WDR49: variants seen among roughly 807,000 people sequenced by gnomAD.
The protein encoded by WDR49 is WD repeat domain 49, also known as cilia- and flagella-associated protein 337.
WDR49 carries 107 observed loss-of-function variants against 119.5 expected under a neutral mutation model. That is an observed-to-expected ratio of 0.90 (90% CI 0.77 to 1.05). The LOEUF is 1.05. Among genes scored for constraint, WDR49 ranks in the 50% least tolerant of loss-of-function variants. WDR49 has a pLI of 0.00. For synonymous variants in WDR49, 425 were observed against 418.8 expected, an observed-to-expected ratio of 1.01 and a Z score of -0.18; for missense variants, 1,240 against 1,220.5, an observed-to-expected ratio of 1.02 and a Z score of -0.24.
At position 167,478,756 on chromosome 3, in the gene WDR49, T is replaced by C; in HGVS notation, c.*122A>G. On this transcript the variant is annotated 3_prime_UTR_variant, in exon 19 of 19. Coordinates refer to ENST00000682715, the MANE Select transcript of WDR49 (RefSeq NM_001366157.1). ...GATAGATAAAAGCAGTACTAAATTA[T>C]CCCATGAAGAGAAAACTTCCTGAAG... The C allele has an allele frequency of 3.3e-6, 2 of 602,812 alleles. No homozygotes were observed. Among genetic ancestry groups the C allele is most frequent in the South Asian group, 2.6e-5 (1 of 39,154 alleles). 37.3% of individuals were successfully genotyped at this position (602,812 alleles called of 1,614,324 possible). A position where few individuals can be genotyped will look rare whatever the true frequency, so the allele number is the denominator to read the frequency against.
intron 8 of WDR49, among the ~76,000 whole-genome samples, chr3:167,565,323 G>T (rs754694644): frequency 6.7e-6 from 1 of 148,878 alleles, no homozygotes; most frequent in Admixed American, 6.8e-5. Context: ...TTCTGCTCTT[G>T]CATTTTGTCC....
At chr3:167,490,254 G>T (rs1181715186) in intron 18 of WDR49, among the ~76,000 whole-genome samples, 1 of 152,050 alleles carries the variant, frequency 6.6e-6, no homozygotes, top group Admixed American at 6.6e-5. Flanking sequence ...TAAATATGTT[G>T]TTCACATATT....
intron 18 of WDR49, among the ~76,000 whole-genome samples, chr3:167,486,486 C>T (rs569438438): frequency 1.3e-5 from 2 of 152,064 alleles, no homozygotes; most frequent in African/African-American, 2.4e-5. Flanking sequence ...AAAGACCCAA[C>T]CATCTGCTGT....
At chr3:167,548,560 T>C (rs866780100) in intron 10 of WDR49, among the ~76,000 whole-genome samples, 7 of 152,020 alleles carry the variant, frequency 4.6e-5, no homozygotes, top group South Asian at 2.1e-4. Context: ...TATTTTATTA[T>C]AATGTATTAA....
chr3:167,636,800 A>G (rs183060165), intron 2 of WDR49, among the ~76,000 whole-genome samples: 13 of 151,596 alleles, frequency 8.6e-5, no homozygotes, highest in African/African-American at 3.1e-4. Flanking sequence ...TCTTTTGAGA[A>G]TTTTCTATTC....
intron 7 of WDR49, among the ~76,000 whole-genome samples, chr3:167,579,425 T>C (rs1480726700): frequency 6.6e-6 from 1 of 152,196 alleles, no homozygotes; most frequent in Admixed American, 6.5e-5. Flanking sequence ...AATGAAATTT[T>C]ATGGGACTTT....
intron 18 of WDR49, among the ~76,000 whole-genome samples, chr3:167,493,512 C>A (rs1751231248): frequency 6.6e-6 from 1 of 152,102 alleles, no homozygotes; most frequent in Admixed American, 6.6e-5. Flanking sequence ...CGTGGGTTTG[C>A]CATTCAGTGA....
At chr3:167,621,889 G>A (rs1347440667) in intron 3 of WDR49, among the ~76,000 whole-genome samples, 2 of 152,058 alleles carry the variant, frequency 1.3e-5, no homozygotes, top group Non-Finnish European at 2.9e-5. Flanking sequence ...ATTCCACACA[G>A]TCACCAACAT....
chr3:167,500,002 T>G, intron 18 of WDR49, 151 bp downstream of exon 18: 3 of 810,474 alleles, frequency 3.7e-6, no homozygotes, highest in Non-Finnish European at 3.6e-6. Flanking sequence ...CTTCAGCAGC[T>G]GAACTATAAA....
chr3:167,490,034 C>T (rs1054413360), intron 18 of WDR49, among the ~76,000 whole-genome samples: 1 of 152,112 alleles, frequency 6.6e-6, no homozygotes, highest in Non-Finnish European at 1.5e-5. Flanking sequence ...CTGCTATCCA[C>T]TGCCCACATC....
intron 5 of WDR49, 103 bp downstream of exon 5, chr3:167,620,326 G>T (rs1716806791): frequency 2.5e-6 from 3 of 1,210,704 alleles, no homozygotes; most frequent in East Asian, 5.6e-5. Context: ...ACCAATTATT[G>T]GTTTCTAGAC....
At chr3:167,654,466 G>A (rs1718529034), upstream of WDR49, among the ~76,000 whole-genome samples, 1 of 152,112 alleles carries the variant, frequency 6.6e-6, no homozygotes, top group Non-Finnish European at 1.5e-5. Context: ...ATGAAAAGGA[G>A]GAGAAAAAGA....
chr3:167,547,199 A>C (rs1188881188), intron 10 of WDR49, among the ~76,000 whole-genome samples: 1 of 151,898 alleles, frequency 6.6e-6, no homozygotes, highest in Non-Finnish European at 1.5e-5. Flanking sequence ...AATTATTAAG[A>C]ATGTAATATC....
Position 167,554,645 on chromosome 3 carries a change from T to C in WDR49, c.1823+5A>G, listed in dbSNP as rs774422891. On this transcript the variant is annotated splice_donor_5th_base_variant and intron_variant, in intron 10 of 18. Transcript: ENST00000682715. ...TGATTAAAATAAAAACATTCTCCTT[T>C]TTACCTTCCTATAGTTTTCCATGAG... 45 of 1,468,122 alleles carry C rather than the reference T, an allele frequency of 3.1e-5. No homozygotes were observed. In the East Asian group the frequency reaches 1.0e-3, roughly 34 times the overall value. The allele number at this position is 1,468,122 out of a possible 1,614,324, so 90.9% of individuals were successfully genotyped here. A position where few individuals can be genotyped will look rare whatever the true frequency, so the allele number is the denominator to read the frequency against.
At chr3:167,482,433 G>A (rs536334909) in intron 18 of WDR49, among the ~76,000 whole-genome samples, 1 of 152,040 alleles carries the variant, frequency 6.6e-6, no homozygotes, top group East Asian at 1.9e-4. Flanking sequence ...ACTTTGGGAG[G>A]CCGAGGCGGG....
chr3:167,634,950 T>G (rs1318862643), intron 2 of WDR49, among the ~76,000 whole-genome samples: 1 of 151,890 alleles, frequency 6.6e-6, no homozygotes, highest in Non-Finnish European at 1.5e-5. Flanking sequence ...TCTTTCTATG[T>G]TGCTTTTTCC....
intron 18 of WDR49, among the ~76,000 whole-genome samples, chr3:167,498,453 G>T (rs868305200): frequency 9.2e-5 from 14 of 152,248 alleles, no homozygotes; most frequent in African/African-American, 3.4e-4. Flanking sequence ...GGGTGGAGGG[G>T]GGAGGGTGAG....
chr3:167,552,869 A>G (rs1712655816), intron 10 of WDR49, among the ~76,000 whole-genome samples: 1 of 152,100 alleles, frequency 6.6e-6, no homozygotes, highest in Non-Finnish European at 1.5e-5. Context: ...TATCGAACCA[A>G]TCTCTGTATT....
chr3:167,551,523 A>C (rs1712570417), intron 10 of WDR49, among the ~76,000 whole-genome samples: 1 of 152,060 alleles, frequency 6.6e-6, no homozygotes, highest in African/African-American at 2.4e-5. Context: ...ATTTGCAATT[A>C]GTCCTACCCA....
Sources: gnomAD v4.1 joint callset for allele counts (sites outside exome capture counted in the v4.1 genomes callset) on GRCh38, gnomAD v4.1.1 for gene constraint, MANE v1.5 for transcripts, NCBI Gene and HGNC (gene_info 2026-07-23, HGNC 2026-07-21) for gene names.